The following SERPING1 variants were observed in gnomAD, a reference collection of about 807,000 sequenced individuals.
SERPING1 encodes serpin family G member 1.
A neutral mutation model predicts 34.1 loss-of-function variants in SERPING1; 5 were observed. The ratio of observed to expected loss-of-function variants is 0.15; its 90% CI spans 0.08 to 0.31. SERPING1 has a LOEUF of 0.31. SERPING1 is among the 10% of genes least tolerant of loss of function. The pLI, the probability that SERPING1 is intolerant of heterozygous loss-of-function variation, is 1.00. For missense variants in SERPING1, 505 were observed against 609.5 expected (o/e 0.83, Z 1.81); for synonymous variants, 225 against 242.4 (o/e 0.93, Z 0.67).
chr11:57,601,541 G>A (rs1005573472), intron 3 of SERPING1, among the ~76,000 whole-genome samples: 2 of 152,066 alleles, frequency 1.3e-5, no homozygotes, highest in African/African-American at 4.8e-5. Context: ...ACTACAAGCA[G>A]TGGGGACAGA....
Position 57,606,134 on chromosome 11 carries a change from C to T in SERPING1, c.810C>T (p.Thr270=), listed in dbSNP as rs1945406375. 3 of 1,614,110 alleles carry T rather than the reference C, an allele frequency of 1.9e-6. No homozygotes were observed. In the South Asian group the frequency reaches 3.3e-5, roughly 18 times the overall value. The change falls in exon 5 of 8, where the codon ACC becomes ACT. Residue 270 remains threonine, a synonymous_variant. Coordinates refer to ENST00000278407, the MANE Select transcript of SERPING1 (RefSeq NM_000062.3). The part of the protein sequence containing the change: ...ELINTWVAKN[T]NNKISRLLDS... ...TCAACACCTGGGTGGCCAAGAACAC[C>T]AACAACAAGATCAGCCGGCTGCTAG... is the stretch of plus-strand genomic sequence containing the variant.
At chr11:57,610,513 A>T (rs1260991487) in intron 6 of SERPING1, among the ~76,000 whole-genome samples, 2 of 152,318 alleles carry the variant, frequency 1.3e-5, no homozygotes, top group East Asian at 3.9e-4. Flanking sequence ...CTTCTGGGCT[A>T]TTCAGGTTCC....
intron 6 of SERPING1, 113 bp downstream of exon 6, chr11:57,606,660 C>A: frequency 9.4e-7 from 1 of 1,060,646 alleles, no homozygotes; most frequent in Non-Finnish European, 1.5e-6. Context: ...ATCACTTCTA[C>A]TCCTTCCATC....
intron 7 of SERPING1, among the ~76,000 whole-genome samples, chr11:57,612,864 C>T (rs547735610): frequency 5.9e-5 from 9 of 152,268 alleles, no homozygotes; most frequent in Admixed American, 5.9e-4. Context: ...CCTACCTCAG[C>T]CTCCCAAGTA....
At chr11:57,599,496 GTAC>G (rs1945323187) in intron 2 of SERPING1, among the ~76,000 whole-genome samples, 1 of 152,128 alleles carries the variant, frequency 6.6e-6, no homozygotes, top group Admixed American at 6.5e-5. Flanking sequence ...TCAAATGTCT[GTAC>G]TAGCCAAGCA....
rs1945331824 is a variant in SERPING1 at position 57,600,140 on chromosome 11, C to A, written c.313C>A (p.Pro105Thr). The change falls in exon 3 of 8, where the codon CCA (proline) becomes ACA (threonine). Residue 105 changes from proline to threonine, a missense_variant. By Grantham distance (38) the Pro-to-Thr change is conservative (BLOSUM62 -1). Transcript: ENST00000278407. ...CCAACCCACCATCCAACCCACCCAA[C>A]CAACTACCCAGCTCCCAACAGATTC... Reference protein sequence around the residue: ...TTQPTIQPTQPTTQLPTDSPT... With the variant: ...TTQPTIQPTQTTTQLPTDSPT... 1 of 1,571,788 alleles carries A rather than the reference C, an allele frequency of 6.4e-7. No homozygotes were observed. The highest frequency in any genetic ancestry group is 1.4e-5 in the African/African-American group (1 of 72,798).
At position 57,599,916 on chromosome 11, in the gene SERPING1, G is replaced by C. The variant is rs1490672435; in HGVS notation, c.89G>C (p.Ser30Thr). 1 of 1,614,038 alleles carries C rather than the reference G, an allele frequency of 6.2e-7. No homozygotes were observed. The highest frequency in any genetic ancestry group is 8.5e-7 in the Non-Finnish European group (1 of 1,180,032). Residue 30 changes from serine (S) to threonine (T), a missense_variant, in exon 3 of 8, where the codon AGC becomes ACC. By Grantham distance (58) the Ser-to-Thr change is moderately conservative. Coordinates refer to ENST00000278407, the MANE Select transcript of SERPING1 (RefSeq NM_000062.3). ...TCAAATCCAAATGCTACCAGCTCCAGCTCCCAGGATCCAGAGAGTTTGCAA... is the reference window on the plus strand; with the variant it reads ...TCAAATCCAAATGCTACCAGCTCCACCTCCCAGGATCCAGAGAGTTTGCAA... ...ASSNPNATSS[S>T]SQDPESLQDR...
At chr11:57,598,438 T>A in intron 2 of SERPING1, 117 bp downstream of exon 2, 1 of 999,688 alleles carries the variant, frequency 1.0e-6, no homozygotes, top group South Asian at 1.4e-5. Flanking sequence ...GGAGAGCTCC[T>A]CTTGGGATCA....
rs1945474132 is a variant in SERPING1, at chr11:57,611,334, GT to G, written c.1030-378del. ...CATAGGCAGTGAAGAGCCATCAATA[GT>G]TTTTACAGAGGCTGACCTGATAACT... On this transcript the variant is annotated intron_variant, in intron 6 of 7. Transcript: ENST00000278407. The G allele has an allele frequency of 1.7e-5, 5 of 297,640 alleles. No individual in the cohort carries two copies. In the East Asian group the frequency reaches 3.9e-4, roughly 23 times the overall value. The allele number at this position is 297,640 out of a possible 1,614,324, so 18.4% of individuals were successfully genotyped here.
Position 57,599,906 on chromosome 11 carries a change from A to G in SERPING1, c.79A>G (p.Thr27Ala). Residue 27 changes from threonine to alanine, a missense_variant, in exon 3 of 8, where the codon ACC becomes GCC. By Grantham distance (58) the Thr-to-Ala change is moderately conservative. Transcript: ENST00000278407. ...TAGAGCCTCCTCAAATCCAAATGCT[A>G]CCAGCTCCAGCTCCCAGGATCCAGA... ...GDRASSNPNA[T>A]SSSSQDPESL... 2.5e-6 allele frequency: 4 copies of G among 1,614,222 alleles called. 1 individual carries two copies. The Middle Eastern group carries it at 4.9e-4, about 200-fold the overall frequency.
At chr11:57,612,571 G>T (rs1945490857) in intron 7 of SERPING1, among the ~76,000 whole-genome samples, 1 of 151,762 alleles carries the variant, frequency 6.6e-6, no homozygotes, top group East Asian at 1.9e-4. Context: ...CCGCCACCAC[G>T]CCTGGCTAAT....
At position 57,598,230 on chromosome 11, in the gene SERPING1, A is replaced by C. The variant is rs1945309551; in HGVS notation, c.-22-19A>C. The C allele has an allele frequency of 5.2e-6, 8 of 1,537,680 alleles. No individual in the cohort carries two copies. The highest frequency in any genetic ancestry group is 7.0e-6 in the Non-Finnish European group (8 of 1,137,722). The stretch of plus-strand genomic sequence containing the variant: ...GCTCCCAGGGTGGGAGCTGGCTCCG[A>C]GGCTGGCTGGCTCCGCAGGTCCGCT... On this transcript the variant is annotated intron_variant, in intron 1 of 7. Coordinates refer to ENST00000278407, the MANE Select transcript of SERPING1 (RefSeq NM_000062.3).
chr11:57,602,253 G>C, intron 4 of SERPING1, 84 bp downstream of exon 4: 2 of 1,526,238 alleles, frequency 1.3e-6, no homozygotes, highest in Non-Finnish European at 1.8e-6. Context: ...GGAAAGAAAG[G>C]ACAGAGGGAA....
At chr11:57,605,591 T>C (rs1413160575) in intron 4 of SERPING1, 2 of 201,142 alleles carry the variant, frequency 9.9e-6, no homozygotes, top group Non-Finnish European at 2.0e-5. Flanking sequence ...GCTTTTTTTT[T>C]TTTTTTTTCA....
At chr11:57,603,193 C>T (rs373483656) in intron 4 of SERPING1, among the ~76,000 whole-genome samples, 1 of 148,334 alleles carries the variant, frequency 6.7e-6, no homozygotes, top group Non-Finnish European at 1.5e-5. Context: ...GAGATCATGC[C>T]ACTTCACTCC....
At chr11:57,600,609 A>C (rs374664852) in intron 3 of SERPING1, among the ~76,000 whole-genome samples, 9 of 152,194 alleles carry the variant, frequency 5.9e-5, no homozygotes, top group Admixed American at 2.0e-4. Context: ...AAGAACATAT[A>C]AAATAAGGTC....
intron 4 of SERPING1, among the ~76,000 whole-genome samples, chr11:57,604,735 C>G (rs1945389847): frequency 6.6e-6 from 1 of 151,200 alleles, no homozygotes; most frequent in African/African-American, 2.4e-5. Context: ...TTAGGTCTGG[C>G]TCAGTGTGCC....
chr11:57,601,880 A>AAAG (rs1945351435), intron 3 of SERPING1, among the ~76,000 whole-genome samples, 155 bp from the exon 4 acceptor site: 2 of 129,450 alleles, frequency 1.5e-5, no homozygotes, highest in Admixed American at 8.1e-5. Context: ...AAAAAAAAAA[A>AAAG]AGAGAGATTG....
chr11:57,606,963 T>G (rs1416827552), intron 6 of SERPING1, among the ~76,000 whole-genome samples: 1 of 152,234 alleles, frequency 6.6e-6, no homozygotes, highest in Admixed American at 6.5e-5. Context: ...ATATATGTGG[T>G]AAGTGCATGT....
Sources: allele counts gnomAD v4.1 joint callset (sites outside exome capture counted in the v4.1 genomes callset), GRCh38; gene constraint gnomAD v4.1.1; transcripts MANE v1.5; gene names NCBI Gene and HGNC (gene_info 2026-07-23, HGNC 2026-07-21).